DMD: variants seen among roughly 807,000 people sequenced by gnomAD.
The protein encoded by DMD is dystrophin.
In DMD, 63 loss-of-function variants were observed where a neutral mutation model predicts 330.1. That is an observed-to-expected ratio of 0.19 (90% CI 0.16 to 0.24). The LOEUF (loss-of-function observed/expected upper bound fraction) is 0.24, where lower values mean the gene tolerates loss of function less well. Ranked by LOEUF, DMD falls within the 10% of genes least tolerant of loss-of-function variation. The pLI, the probability that DMD is intolerant of heterozygous loss-of-function variation, is 1.00. For missense variants in DMD, 3,344 were observed against 2,684.1 expected, an observed-to-expected ratio of 1.25 and a Z score of -5.43; for synonymous variants, 1,223 against 959.8, an observed-to-expected ratio of 1.27 and a Z score of -5.07.
At chrX:32,300,329 A>G (rs1259860393) in intron 42 of DMD, among the ~76,000 whole-genome samples, 1 of 111,879 alleles carries the variant, frequency 8.9e-6, no homozygotes, top group Non-Finnish European at 1.9e-5. Context: ...GCTGTTGAAC[A>G]GTGGAATAGA....
intron 29 of DMD, among the ~76,000 whole-genome samples, chrX:32,422,854 C>T (rs373196242): frequency 1.8e-5 from 2 of 110,577 alleles, no homozygotes; most frequent in East Asian, 5.6e-4. Context: ...TCTCAAGAAT[C>T]TATGAAGTAG....
chrX:32,514,164 G>A (rs1333011708), intron 18 of DMD, among the ~76,000 whole-genome samples: 1 of 107,415 alleles, frequency 9.3e-6, no homozygotes, highest in East Asian at 2.9e-4. Context: ...AGTCAGTGAT[G>A]CTGCTGAGAA....
intron 51 of DMD, among the ~76,000 whole-genome samples, chrX:31,750,628 G>A (rs1603459497): frequency 9.0e-6 from 1 of 110,670 alleles, no homozygotes; most frequent in East Asian, 2.9e-4. Flanking sequence ...TCAACATAGT[G>A]TTGGAAGTTC....
intron 2 of DMD, among the ~76,000 whole-genome samples, chrX:32,903,330 G>A (rs1206523275): frequency 9.1e-6 from 1 of 109,942 alleles, no homozygotes; most frequent in African/African-American, 3.3e-5. Context: ...GCAATGAAAT[G>A]TATGTAGGTA....
intron 16 of DMD, among the ~76,000 whole-genome samples, chrX:32,565,054 C>G (rs1015076005): frequency 1.8e-5 from 2 of 111,324 alleles, no homozygotes; most frequent in Non-Finnish European, 3.8e-5. Flanking sequence ...CAACTTTTAA[C>G]GATACCCCAT....
intron 19 of DMD, among the ~76,000 whole-genome samples, chrX:32,494,111 C>CCAAA (rs1413110458): frequency 9.0e-6 from 1 of 111,247 alleles, no homozygotes; most frequent in Non-Finnish European, 1.9e-5. Flanking sequence ...GATAAAACTA[C>CCAAA]AGTGAAGTAC....
intron 44 of DMD, among the ~76,000 whole-genome samples, chrX:32,095,302 T>C (rs1327783207): frequency 8.9e-6 from 1 of 112,075 alleles, no homozygotes; most frequent in Non-Finnish European, 1.9e-5. Context: ...AGAAAATATC[T>C]CGTTATCCAT....
chrX:31,385,255 G>A (rs755647322), intron 60 of DMD, among the ~76,000 whole-genome samples: 3 of 111,679 alleles, frequency 2.7e-5, no homozygotes, highest in Non-Finnish European at 5.6e-5. Flanking sequence ...AGGAAGGGAC[G>A]TTTAGAGAGT....
At chrX:32,760,656 G>T (rs1013898632) in intron 7 of DMD, among the ~76,000 whole-genome samples, 14 of 111,996 alleles carry the variant, frequency 1.3e-4, no homozygotes, top group African/African-American at 4.2e-4. Context: ...GGGAAGAACA[G>T]AGTGATATAA....
Position 33,208,463 on chromosome X carries a change from C to T in DMD, c.31+2819G>A, listed in dbSNP as rs548006859. ...TCTATTATTTTTCTTAAAATAGCAC[C>T]CCCAATTGTATAACCTCAGGCCCCA... On this transcript the variant is annotated intron_variant, in intron 1 of 78. Transcript: ENST00000357033. 3.2e-3 allele frequency among the ~76,000 whole-genome samples: 354 copies of T among 110,737 alleles called. 4 individuals are homozygous for T. The highest frequency in any genetic ancestry group is 0.011 in the African/African-American group (337 of 30,579).
At chrX:33,006,804 G>A (rs1000299402) in intron 2 of DMD, among the ~76,000 whole-genome samples, 1 of 111,087 alleles carries the variant, frequency 9.0e-6, no homozygotes, top group African/African-American at 3.3e-5. Flanking sequence ...TATTTTCAAT[G>A]ATTTTCCATG....
chrX:32,467,960 T>C (rs2148454866), intron 23 of DMD, among the ~76,000 whole-genome samples: 1 of 110,506 alleles, frequency 9.0e-6, no homozygotes, highest in East Asian at 2.8e-4. Context: ...GATGAATATA[T>C]AATGCAATTT....
At chrX:33,269,561 G>A (rs1339315120) in intron 1 of DMD, among the ~76,000 whole-genome samples, 1 of 110,965 alleles carries the variant, frequency 9.0e-6, no homozygotes, top group African/African-American at 3.3e-5. Flanking sequence ...AATAAAAGTT[G>A]AAATTAAAAA....
intron 18 of DMD, among the ~76,000 whole-genome samples, chrX:32,509,342 G>T (rs773421583): frequency 1.8e-5 from 2 of 110,433 alleles, no homozygotes; most frequent in Non-Finnish European, 3.8e-5. Context: ...AATTTCTACC[G>T]TCTCCCATTA....
rs192599263 is a variant in DMD at position 31,471,537 on chromosome X, C to T, written c.8937+6569G>A. On this transcript the variant is annotated intron_variant, in intron 59 of 78. Coordinates refer to ENST00000357033, the MANE Select transcript of DMD (RefSeq NM_004006.3). ...GTACTGCAGTTGGAAATGCAGAAAT[C>T]ACCCACCTTCTGTGTTGATCTCACT... Among the ~76,000 whole-genome samples, 23 of 112,110 alleles carry T rather than the reference C, an allele frequency of 2.1e-4. No homozygotes were observed. In the East Asian group the frequency reaches 3.4e-3, roughly 16 times the overall value.
At chrX:31,181,997 A>C (rs1262038283) in intron 68 of DMD, among the ~76,000 whole-genome samples, 1 of 112,387 alleles carries the variant, frequency 8.9e-6, no homozygotes, top group Non-Finnish European at 1.9e-5. Flanking sequence ...CTGTCTCCCC[A>C]AACAGGTCAG....
chrX:32,887,949 C>A (rs1184409512), intron 2 of DMD, among the ~76,000 whole-genome samples: 1 of 108,855 alleles, frequency 9.2e-6, no homozygotes, highest in Non-Finnish European at 1.9e-5. Flanking sequence ...ATATTTTCTC[C>A]TGCTCCATGA....
At chrX:31,537,890 C>A (rs1009815391) in intron 55 of DMD, among the ~76,000 whole-genome samples, 39 of 112,129 alleles carry the variant, frequency 3.5e-4, no homozygotes, top group African/African-American at 9.7e-4. Flanking sequence ...AAAATACTTG[C>A]GACTGAAAGT....
In DMD at chrX:32,857,993, G is replaced by A. The variant is rs762979303; in HGVS notation, c.94-8173C>T. Among the ~76,000 whole-genome samples the A allele has an allele frequency of 1.6e-4, 16 of 99,780 alleles. No homozygotes were observed. In the South Asian group the frequency reaches 2.9e-3, roughly 18 times the overall value. 86.6% of individuals were successfully genotyped at this position (99,780 alleles called of 115,157 possible). On this transcript the variant is annotated intron_variant, in intron 2 of 78. Coordinates refer to ENST00000357033, the MANE Select transcript of DMD (RefSeq NM_004006.3). ...TCCATGTACACCTAGCTGGGGCACC[G>A]AGAGAGAGAAAGCAGTGAGGTGATA...
Sources: gnomAD v4.1 joint callset for allele counts (sites outside exome capture counted in the v4.1 genomes callset) on GRCh38, gnomAD v4.1.1 for gene constraint, MANE v1.5 for transcripts, NCBI Gene and HGNC (gene_info 2026-07-23, HGNC 2026-07-21) for gene names.